Variants in SNAPC3 observed in about 807,000 individuals in gnomAD.
The protein encoded by SNAPC3 is small nuclear RNA activating complex polypeptide 3, also known as snRNA-activating protein complex subunit 3.
SNAPC3 carries 56 observed loss-of-function variants against 47.7 expected under a neutral mutation model. The observed-to-expected ratio is 1.18, with a 90% CI of 0.95 to 1.47. SNAPC3 has a LOEUF of 1.47. Among genes scored for constraint, SNAPC3 ranks in the 40% most tolerant of loss-of-function variants. The probability of loss-of-function intolerance (pLI) is 0.00; values close to 1 mark genes in which losing one functional copy is unlikely to be tolerated. For missense variants in SNAPC3, 665 were observed against 511.3 expected, an observed-to-expected ratio of 1.30 and a Z score of -2.90; for synonymous variants, 235 against 189.9, an observed-to-expected ratio of 1.24 and a Z score of -1.95.
At chr9:15,464,321 A>G (rs897513703), downstream of SNAPC3, 1 of 193,414 alleles carries the variant, frequency 5.2e-6, no homozygotes, top group Non-Finnish European at 1.1e-5. Flanking sequence ...GTCTTAAGCC[A>G]TTTTTTTCCA....
intron 2 of SNAPC3, 45 bp from the exon 3 acceptor site, chr9:15,433,507 A>T: frequency 3.3e-6 from 4 of 1,200,014 alleles, no homozygotes; most frequent in Non-Finnish European, 3.6e-6. Context: ...CCCGAATAAC[A>T]AATGTTGAAC....
At chr9:15,436,917 G>T (rs766756733) in intron 3 of SNAPC3, among the ~76,000 whole-genome samples, 1 of 149,398 alleles carries the variant, frequency 6.7e-6, no homozygotes, top group Non-Finnish European at 1.5e-5. Context: ...TTCGCCTCCC[G>T]GGTTCGAGCG....
intron 5 of SNAPC3, among the ~76,000 whole-genome samples, chr9:15,448,252 C>T (rs1198652341): frequency 5.9e-5 from 9 of 151,608 alleles, no homozygotes; most frequent in African/African-American, 2.2e-4. Context: ...TTTTTTTTCT[C>T]CCTAGGCTGA....
chr9:15,453,912 G>C (rs1269667138), intron 7 of SNAPC3, among the ~76,000 whole-genome samples: 4 of 152,102 alleles, frequency 2.6e-5, no homozygotes, highest in African/African-American at 4.8e-5. Context: ...AGTAATTACT[G>C]GTATTAATTA....
intron 2 of SNAPC3, among the ~76,000 whole-genome samples, chr9:15,424,250 T>A (rs2031026375): frequency 6.6e-6 from 1 of 152,154 alleles, no homozygotes; most frequent in African/African-American, 2.4e-5. Context: ...AAAGTATCAT[T>A]CTCCTACATA....
At chr9:15,450,861 G>C (rs146513616) in intron 5 of SNAPC3, among the ~76,000 whole-genome samples, 64 of 152,258 alleles carry the variant, frequency 4.2e-4, no homozygotes, top group African/African-American at 1.3e-3. Flanking sequence ...ACAGTACCTG[G>C]GGCAAGATTG....
chr9:15,444,710 A>G lies in SNAPC3; in HGVS notation c.582+4A>G. ...GTACCCTGTTATATTTCATAAGGTA[A>G]GTAGTAAAACCTTTTGGATTTTATG... On this transcript the variant is annotated splice_donor_region_variant and intron_variant, in intron 4 of 8. Coordinates refer to ENST00000380821, the MANE Select transcript of SNAPC3 (RefSeq NM_001039697.2). The G allele has an allele frequency of 6.7e-7, 1 of 1,490,848 alleles. No homozygotes were observed. The highest frequency in any genetic ancestry group is 9.3e-7 in the Non-Finnish European group (1 of 1,073,052). The allele number at this position is 1,490,848 out of a possible 1,614,324, so 92.4% of individuals were successfully genotyped here.
chr9:15,443,689 AC>A (rs577199755), intron 3 of SNAPC3, among the ~76,000 whole-genome samples: 59 of 152,160 alleles, frequency 3.9e-4, no homozygotes, highest in African/African-American at 1.2e-3. Context: ...TGGACCAGGC[AC>A]TCGGCATCAC....
In SNAPC3 at chr9:15,451,337, C is replaced by T. The variant is rs1241015431; in HGVS notation, c.750C>T (p.Ala250=). 1.3e-6 allele frequency: 2 copies of T among 1,490,340 alleles called. No homozygotes were observed. The highest frequency in any genetic ancestry group is 2.5e-5 in the South Asian group (2 of 81,000). The allele number at this position is 1,490,340 out of a possible 1,614,324, so 92.3% of individuals were successfully genotyped here. The part of the protein sequence containing the change: ...EHISKDLYKS[A]FFYFEGTFYN... ...TCTTGTAGGACCTATACAAATCAGCCTTCTTTTATTTTGAAGGAACATTTT... is the reference window on the plus strand; with the variant it reads ...TCTTGTAGGACCTATACAAATCAGCTTTCTTTTATTTTGAAGGAACATTTT... Residue 250 remains alanine, a synonymous_variant, in exon 6 of 9, where the codon GCC becomes GCT. Coordinates refer to ENST00000380821, the MANE Select transcript of SNAPC3 (RefSeq NM_001039697.2).
chr9:15,450,388 C>T (rs1243620305), intron 5 of SNAPC3, among the ~76,000 whole-genome samples: 5 of 152,090 alleles, frequency 3.3e-5, no homozygotes, highest in African/African-American at 9.7e-5. Flanking sequence ...TAAAATATTA[C>T]GGTAAAATTA....
chr9:15,431,201 C>A (rs1351503158), intron 2 of SNAPC3, among the ~76,000 whole-genome samples: 1 of 152,170 alleles, frequency 6.6e-6, no homozygotes, highest in Non-Finnish European at 1.5e-5. Context: ...TCCACAGCTC[C>A]CCTGAACAGG....
rs773211044 is a variant in SNAPC3, at chr9:15,459,697, C to G, written c.1089-22C>G. ...TGGCAAATTTGATTGTAATGATGTA[C>G]TTCTTTTTTTAAAAACTACAGATGG... On this transcript the variant is annotated intron_variant, in intron 8 of 8. Transcript: ENST00000380821. 6 of 1,606,112 alleles carry G rather than the reference C, an allele frequency of 3.7e-6. No homozygotes were observed. The South Asian group carries it at 5.6e-5, about 15-fold the overall frequency.
intron 3 of SNAPC3, among the ~76,000 whole-genome samples, chr9:15,437,076 C>T (rs1359056049): frequency 6.6e-6 from 1 of 151,950 alleles, no homozygotes; most frequent in Non-Finnish European, 1.5e-5. Context: ...CCGCCTGCCT[C>T]GGCCTCCCAA....
intron 5 of SNAPC3, among the ~76,000 whole-genome samples, 160 bp from the exon 6 acceptor site, chr9:15,451,160 G>A (rs1323785093): frequency 1.3e-5 from 2 of 151,704 alleles, no homozygotes; most frequent in Non-Finnish European, 2.9e-5. Context: ...TAGATCAAAC[G>A]TAGTGATTAT....
chr9:15,456,634 A>C (rs545956817), intron 7 of SNAPC3, among the ~76,000 whole-genome samples: 1 of 151,814 alleles, frequency 6.6e-6, no homozygotes, highest in South Asian at 2.1e-4. Context: ...TGCCTGGCCA[A>C]TTTTTCTATT....
intron 7 of SNAPC3, among the ~76,000 whole-genome samples, chr9:15,457,348 A>C (rs1194306867): frequency 6.6e-6 from 1 of 152,182 alleles, no homozygotes; most frequent in East Asian, 1.9e-4. Flanking sequence ...TAATCCCAGC[A>C]CCTTGGGAGG....
intron 1 of SNAPC3, among the ~76,000 whole-genome samples, chr9:15,423,596 A>G (rs1017473427): frequency 6.6e-6 from 1 of 152,202 alleles, no homozygotes; most frequent in African/African-American, 2.4e-5. Flanking sequence ...AACCCCGACT[A>G]ACTGGTTTCT....
chr9:15,451,435 C>G (rs1296990950), intron 6 of SNAPC3, 33 bp downstream of exon 6: 1 of 1,048,908 alleles, frequency 9.5e-7, no homozygotes, highest in Admixed American at 2.1e-5. Flanking sequence ...CAAAGTCTTT[C>G]CTATTTCTAG....
intron 3 of SNAPC3, 22 bp from the exon 4 acceptor site, chr9:15,444,580 G>A (rs546572805): frequency 3.5e-6 from 5 of 1,420,538 alleles, no homozygotes; most frequent in South Asian, 3.5e-5. Context: ...TCTGATTTCA[G>A]TGTCTCTTTT....
Sources: gnomAD v4.1 joint callset for allele counts (sites outside exome capture counted in the v4.1 genomes callset) on GRCh38, gnomAD v4.1.1 for gene constraint, MANE v1.5 for transcripts, NCBI Gene and HGNC (gene_info 2026-07-23, HGNC 2026-07-21) for gene names.